Variants in SLC8A1 observed in about 807,000 individuals in gnomAD.
The protein encoded by SLC8A1 is solute carrier family 8 member A1.
SLC8A1 carries 18 observed loss-of-function variants against 68.3 expected under a neutral mutation model. The ratio of observed to expected loss-of-function variants is 0.26; its 90% CI spans 0.18 to 0.39. The LOEUF (loss-of-function observed/expected upper bound fraction) is 0.39. Ranked by LOEUF, SLC8A1 falls within the 10% of genes least tolerant of loss-of-function variation. SLC8A1 has a pLI of 1.00. For synonymous variants in SLC8A1, 475 were observed against 415.5 expected, an observed-to-expected ratio of 1.14 and a Z score of -1.74; for missense variants, 985 against 1,156.7, an observed-to-expected ratio of 0.85 and a Z score of 2.15.
intron 2 of SLC8A1, among the ~76,000 whole-genome samples, chr2:40,408,485 T>G (rs1274396189): frequency 6.6e-6 from 1 of 152,216 alleles, no homozygotes; most frequent in African/African-American, 2.4e-5. Context: ...ACAGGAAATT[T>G]TGGCACTTTG....
At chr2:40,435,659 T>G (rs898614056) in intron 1 of SLC8A1, among the ~76,000 whole-genome samples, 1 of 152,150 alleles carries the variant, frequency 6.6e-6, no homozygotes, top group African/African-American at 2.4e-5. Context: ...AGGTAGGCAA[T>G]GTGGTCACAA....
intron 2 of SLC8A1, among the ~76,000 whole-genome samples, chr2:40,305,917 G>C (rs1435648710): frequency 6.6e-6 from 1 of 152,148 alleles, no homozygotes; most frequent in Non-Finnish European, 1.5e-5. Context: ...CAACAACTAA[G>C]AGGAGCATTG....
chr2:40,188,852 T>C (rs763253217), intron 2 of SLC8A1, among the ~76,000 whole-genome samples: 2 of 152,264 alleles, frequency 1.3e-5, no homozygotes, highest in Non-Finnish European at 1.5e-5. Flanking sequence ...CTGCATGTAC[T>C]CTTGTAAAAC....
chr2:40,121,238 G>A lies in SLC8A1; in HGVS notation c.2438-5609C>T, dbSNP rs72942575. ...TACAGAAATACACCTTTTAACAAGC[G>A]GCCTAGGTTGTTCTTATTTATACCA... On this transcript the variant is annotated intron_variant, in intron 7 of 7. Coordinates refer to ENST00000406785, the Ensembl canonical transcript of SLC8A1. Among the ~76,000 whole-genome samples the A allele has an allele frequency of 8.7e-3, 1,324 of 152,194 alleles. 26 individuals carry two copies. Among genetic ancestry groups the A allele is most frequent in the African/African-American group, 0.031 (1,281 of 41,514 alleles).
intron 1 of SLC8A1, among the ~76,000 whole-genome samples, chr2:40,497,554 A>G (rs1158254281): frequency 1.3e-5 from 2 of 152,106 alleles, no homozygotes; most frequent in Admixed American, 6.6e-5. Flanking sequence ...TTAAAGCTCT[A>G]TTGAGGGTTC....
At chr2:40,458,870 T>C (rs1576609522) in intron 1 of SLC8A1, among the ~76,000 whole-genome samples, 1 of 152,198 alleles carries the variant, frequency 6.6e-6, no homozygotes, top group East Asian at 1.9e-4. Flanking sequence ...TTATTATTTT[T>C]CAAGATTCAA....
intron 2 of SLC8A1, among the ~76,000 whole-genome samples, chr2:40,411,391 A>G (rs375959666): frequency 9.2e-5 from 14 of 152,162 alleles, no homozygotes; most frequent in African/African-American, 2.9e-4. Flanking sequence ...GCCCATTAGG[A>G]ATGTAAATTC....
Position 40,371,678 on chromosome 2 carries a change from A to C in SLC8A1, c.1808+56795T>G, listed in dbSNP as rs1440779510. Among the ~76,000 whole-genome samples the C allele has an allele frequency of 2.6e-5, 4 of 152,154 alleles. No homozygotes were observed. The East Asian group carries it at 5.8e-4, about 22-fold the overall frequency. ...GATTTTGGAGATAGAACAGAGACAC[A>C]TATGTTTAAAGAGGAAACAAGAGAG... is the stretch of plus-strand genomic sequence containing the variant. On this transcript the variant is annotated intron_variant, in intron 2 of 7. Coordinates refer to ENST00000406785, the Ensembl canonical transcript of SLC8A1.
intron 2 of SLC8A1, among the ~76,000 whole-genome samples, chr2:40,349,013 C>T (rs909421301): frequency 6.6e-6 from 1 of 152,140 alleles, no homozygotes; most frequent in Non-Finnish European, 1.5e-5. Flanking sequence ...TGTGGCTCTT[C>T]TTCTCCCACA....
At chr2:40,408,758 G>C (rs775132607) in intron 2 of SLC8A1, among the ~76,000 whole-genome samples, 4 of 152,106 alleles carry the variant, frequency 2.6e-5, no homozygotes, top group South Asian at 4.1e-4. Context: ...TAAAACTCAC[G>C]AGTATGGTCA....
At chr2:40,496,492 T>A (rs913761713) in intron 1 of SLC8A1, among the ~76,000 whole-genome samples, 2 of 152,078 alleles carry the variant, frequency 1.3e-5, no homozygotes, top group African/African-American at 4.8e-5. Flanking sequence ...ATTTTGCCCT[T>A]GATAACCAGA....
chr2:40,338,062 G>T (rs542926653), intron 2 of SLC8A1, among the ~76,000 whole-genome samples: 1 of 152,070 alleles, frequency 6.6e-6, no homozygotes, highest in Non-Finnish European at 1.5e-5. Flanking sequence ...AAAGTGCTCT[G>T]TCTTAAGTTT....
chr2:40,446,112 T>C (rs1701397767), intron 1 of SLC8A1, among the ~76,000 whole-genome samples: 1 of 152,088 alleles, frequency 6.6e-6, no homozygotes, highest in Non-Finnish European at 1.5e-5. Context: ...GCATAACCAT[T>C]TGGTGCTAAA....
chr2:40,185,495 G>A (rs959020746), intron 2 of SLC8A1, among the ~76,000 whole-genome samples: 2 of 152,124 alleles, frequency 1.3e-5, no homozygotes, highest in Admixed American at 1.3e-4. Context: ...GACACAAATG[G>A]CTACATGTTG....
chr2:40,369,774 T>A (rs935636698), intron 2 of SLC8A1, among the ~76,000 whole-genome samples: 3 of 152,046 alleles, frequency 2.0e-5, no homozygotes, highest in Non-Finnish European at 4.4e-5. Context: ...CCAGAGCCAA[T>A]TGAGGAATCA....
intron 2 of SLC8A1, among the ~76,000 whole-genome samples, chr2:40,372,489 A>G (rs578245848): frequency 6.6e-6 from 1 of 152,232 alleles, no homozygotes; most frequent in East Asian, 1.9e-4. Context: ...AGATAATACT[A>G]CCATGGCAAA....
intron 2 of SLC8A1, among the ~76,000 whole-genome samples, chr2:40,257,734 C>T (rs1460209293): frequency 1.3e-5 from 2 of 152,226 alleles, no homozygotes; most frequent in African/African-American, 2.4e-5. Flanking sequence ...CTGCATGTTC[C>T]TCAGTGTGCA....
chr2:40,346,599 C>G (rs1669394235), intron 2 of SLC8A1, among the ~76,000 whole-genome samples: 2 of 151,748 alleles, frequency 1.3e-5, no homozygotes, highest in African/African-American at 4.9e-5. Flanking sequence ...AGCTTGTTCT[C>G]TAATGGAATT....
intron 2 of SLC8A1, among the ~76,000 whole-genome samples, chr2:40,252,011 C>T (rs959619926): frequency 6.6e-6 from 1 of 151,928 alleles, no homozygotes; most frequent in African/African-American, 2.4e-5. Flanking sequence ...TTTATATAAC[C>T]ATATATGCAA....
Sources: gnomAD v4.1 joint callset for allele counts (sites outside exome capture counted in the v4.1 genomes callset) on GRCh38, gnomAD v4.1.1 for gene constraint, MANE v1.5 for transcripts, NCBI Gene and HGNC (gene_info 2026-07-23, HGNC 2026-07-21) for gene names.